PDE10A: variants seen among roughly 807,000 people sequenced by gnomAD.
PDE10A encodes phosphodiesterase 10A, also known as cAMP and cAMP-inhibited cGMP 3',5'-cyclic phosphodiesterase 10A.
A neutral mutation model predicts 97.7 loss-of-function variants in PDE10A; 39 were observed. The ratio of observed to expected loss-of-function variants is 0.40; its 90% CI spans 0.31 to 0.52. PDE10A has a LOEUF of 0.52. Among genes scored for constraint, PDE10A ranks in the 20% least tolerant of loss-of-function variants. The pLI is 0.56. For synonymous variants in PDE10A, 371 were observed against 376.8 expected (o/e 0.98, Z 0.18); for missense variants, 731 against 1,047.8 (o/e 0.70, Z 4.17).
chr6:165,480,348 G>A (rs1366167255), intron 3 of PDE10A, among the ~76,000 whole-genome samples: 1 of 152,150 alleles, frequency 6.6e-6, no homozygotes, highest in African/African-American at 2.4e-5. Context: ...AGCACCTTGG[G>A]AGGCTGAGGT....
chr6:165,364,633 T>C (rs1416492375), intron 18 of PDE10A, among the ~76,000 whole-genome samples: 2 of 152,186 alleles, frequency 1.3e-5, no homozygotes, highest in African/African-American at 2.4e-5. Flanking sequence ...CTGCTAGTAG[T>C]TGCATTTGCC....
At chr6:165,442,266 T>C (rs1252845231) in intron 5 of PDE10A, among the ~76,000 whole-genome samples, 1 of 152,068 alleles carries the variant, frequency 6.6e-6, no homozygotes, top group Non-Finnish European at 1.5e-5. Context: ...TAGCATTAGG[T>C]ATATCTCCTA....
intron 1 of PDE10A, among the ~76,000 whole-genome samples, chr6:165,704,040 T>C (rs1314389654): frequency 2.0e-5 from 3 of 152,126 alleles, no homozygotes; most frequent in Non-Finnish European, 4.4e-5. Context: ...ATATTCACAC[T>C]CGTTCACCAA....
At chr6:165,494,868 A>C (rs1455785426) in intron 2 of PDE10A, among the ~76,000 whole-genome samples, 1 of 152,136 alleles carries the variant, frequency 6.6e-6, no homozygotes, top group Non-Finnish European at 1.5e-5. Flanking sequence ...ACTTCACTGC[A>C]CCTCTATCCT....
chr6:165,472,023 A>G (rs1265150441), intron 3 of PDE10A, among the ~76,000 whole-genome samples: 1 of 152,196 alleles, frequency 6.6e-6, no homozygotes, highest in African/African-American at 2.4e-5. Context: ...CTAGCTTTAA[A>G]TAACTTGAGA....
chr6:165,759,823 GGT>G lies in PDE10A; in HGVS notation c.-614-216257_-614-216256del, dbSNP rs150993846. Among the ~76,000 whole-genome samples, 807 of 152,222 alleles carry G rather than the reference GGT, an allele frequency of 5.3e-3. 10 individuals are homozygous for G. Among genetic ancestry groups the G allele is most frequent in the African/African-American group, 0.019 (778 of 41,526 alleles). ...AGGCATTTGGGCTCCTGGCCTACAT[GGT>G]GTATTTTTTTCCTACTGTCATACTT... On this transcript the variant is annotated intron_variant, in intron 1 of 19. Transcript: ENST00000366882.
chr6:165,920,516 A>G (rs1034758951), intron 1 of PDE10A, among the ~76,000 whole-genome samples: 38 of 151,828 alleles, frequency 2.5e-4, no homozygotes, highest in African/African-American at 8.9e-4. Flanking sequence ...AGTGACAATC[A>G]AGATGCTTAT....
At chr6:165,822,417 C>T (rs1447834622) in intron 1 of PDE10A, among the ~76,000 whole-genome samples, 2 of 148,040 alleles carry the variant, frequency 1.4e-5, no homozygotes, top group Non-Finnish European at 3.0e-5. Flanking sequence ...CCAACACACA[C>T]CTGGATGGCA....
chr6:165,500,423 C>G lies in PDE10A; in HGVS notation c.995-18080G>C, dbSNP rs200052078. On this transcript the variant is annotated intron_variant, in intron 2 of 21. Transcript: ENST00000539869. The stretch of plus-strand genomic sequence containing the variant: ...GTAATCCTAGCCCCAACCCTGTGCT[C>G]GCAGAGACCTGTGCTGTGTTGACTC... Among the ~76,000 whole-genome samples, 464 of 151,954 alleles carry G rather than the reference C, an allele frequency of 3.1e-3. 7 individuals carry two copies. The highest frequency in any genetic ancestry group is 0.011 in the African/African-American group (448 of 41,460).
upstream of PDE10A, among the ~76,000 whole-genome samples, chr6:165,665,749 T>C (rs1179803507): frequency 6.6e-6 from 1 of 150,726 alleles, no homozygotes; most frequent in Non-Finnish European, 1.5e-5. Context: ...GGTGCCAAAA[T>C]AATGATGACC....
chr6:165,594,752 T>C (rs1786484511), intron 1 of PDE10A, among the ~76,000 whole-genome samples: 1 of 152,204 alleles, frequency 6.6e-6, no homozygotes, highest in Non-Finnish European at 1.5e-5. Context: ...ATGATACCTT[T>C]ATGGTGGAGA....
In PDE10A at chr6:165,732,281, A is replaced by C. The variant is rs143809959; in HGVS notation, c.-614-188713T>G. Among the ~76,000 whole-genome samples, 8 of 152,260 alleles carry C rather than the reference A, an allele frequency of 5.3e-5. No individual in the cohort carries two copies. In the East Asian group the frequency reaches 1.5e-3, roughly 29 times the overall value. On this transcript the variant is annotated intron_variant, in intron 1 of 19. Coordinates refer to the PDE10A transcript ENST00000366882. ...ATGATAACCTGGCCGTCTTTCACCT[A>C]TTTTACCACCTCTCTTTCGGGATTC...
intron 14 of PDE10A, 69 bp downstream of exon 14, chr6:165,396,248 T>C (rs1583190897): frequency 3.5e-6 from 5 of 1,416,634 alleles, no homozygotes; most frequent in East Asian, 2.3e-5. Flanking sequence ...AATTCTATAA[T>C]CTGTCTCACT....
intron 3 of PDE10A, among the ~76,000 whole-genome samples, chr6:165,462,936 T>C (rs148819773): frequency 1.3e-5 from 2 of 152,232 alleles, no homozygotes; most frequent in Admixed American, 6.5e-5. Context: ...TCTGCTACTA[T>C]AATTGAGGCA....
At chr6:165,969,916 G>A (rs1277411967) in intron 1 of PDE10A, among the ~76,000 whole-genome samples, 1 of 152,234 alleles carries the variant, frequency 6.6e-6, no homozygotes, top group Non-Finnish European at 1.5e-5. Context: ...TGATTTCAGA[G>A]TAGCTACTCC....
rs1325311890 is a variant in PDE10A at position 165,661,097 on chromosome 6, C to T, written c.865+850G>A. ...TTCTGCTCAATCTTGTCCCCCACCCCCGTGACATGCCTTTCTGCCACCTCT... is the reference window on the plus strand; with the variant it reads ...TTCTGCTCAATCTTGTCCCCCACCCTCGTGACATGCCTTTCTGCCACCTCT... On this transcript the variant is annotated intron_variant, in intron 1 of 21. Coordinates refer to ENST00000539869, the MANE Select transcript of PDE10A (RefSeq NM_001385079.1). This position sits in a 1 kb window ranked among gnomAD's most constrained non-coding sequence, Gnocchi z 4.8. 6.5e-6 allele frequency: 1 copy of T among 152,750 alleles called. No individual in the cohort carries two copies. Among genetic ancestry groups the T allele is most frequent in the South Asian group, 2.1e-4 (1 of 4,854 alleles). 9.5% of individuals were successfully genotyped at this position (152,750 alleles called of 1,614,324 possible).
chr6:165,802,049 C>A (rs1400827858), intron 1 of PDE10A, among the ~76,000 whole-genome samples: 1 of 152,166 alleles, frequency 6.6e-6, no homozygotes, highest in Non-Finnish European at 1.5e-5. Context: ...TTTTCATAGC[C>A]ACCCATAACT....
At chr6:165,857,698 C>CGTGTGTGTGTGTGTGT (rs775208021) in intron 1 of PDE10A, among the ~76,000 whole-genome samples, 2 of 123,448 alleles carry the variant, frequency 1.6e-5, no homozygotes, top group Non-Finnish European at 3.4e-5. Flanking sequence ...TCAACAGTTC[C>CGTGTGTGTGTGTGTGT]GTGTGTGTGT....
intron 14 of PDE10A, 54 bp downstream of exon 14, chr6:165,396,263 G>A: frequency 6.5e-7 from 1 of 1,538,434 alleles, no homozygotes; most frequent in Non-Finnish European, 9.0e-7. Flanking sequence ...CTCACTTTAA[G>A]TTCAATTCAA....
Sources: allele counts gnomAD v4.1 joint callset (sites outside exome capture counted in the v4.1 genomes callset), GRCh38; gene constraint gnomAD v4.1.1; non-coding constraint Gnocchi (gnomAD v3.1); transcripts MANE v1.5; gene names NCBI Gene and HGNC (gene_info 2026-07-23, HGNC 2026-07-21).